Variants in NDST3 observed in about 807,000 individuals in gnomAD.
The protein encoded by NDST3 is N-deacetylase and N-sulfotransferase 3.
In NDST3, 58 loss-of-function variants were observed where a neutral mutation model predicts 96.1. That is an observed-to-expected ratio of 0.60 (90% confidence interval 0.49 to 0.75). The LOEUF is 0.75. Ranked by LOEUF, NDST3 falls within the 30% of genes least tolerant of loss-of-function variation. The probability of loss-of-function intolerance (pLI) is 0.00; values close to 1 mark genes in which losing one functional copy is unlikely to be tolerated. For missense variants in NDST3, 788 were observed against 1,034.2 expected (o/e 0.76, Z 3.27); for synonymous variants, 333 against 359.7 (o/e 0.93, Z 0.84).
At chr4:118,204,090 T>C (rs145604228) in intron 6 of NDST3, among the ~76,000 whole-genome samples, 1 of 152,176 alleles carries the variant, frequency 6.6e-6, no homozygotes, top group East Asian at 1.9e-4. Context: ...CGATCAGAAA[T>C]TTGCTCAAAC....
At position 118,226,917 on chromosome 4, in the gene NDST3, T is replaced by C; in HGVS notation, c.1754T>C (p.Ile585Thr). ...NPCDDKRHRDIWSKEKTCDRL... is the reference protein window; with the variant it reads ...NPCDDKRHRDTWSKEKTCDRL... Reference sequence around the variant, plus strand: ...TGCGATGACAAACGCCACAGAGACATTTGGTCTAAAGAAAAAACTTGTGAT... The same window carrying C: ...TGCGATGACAAACGCCACAGAGACACTTGGTCTAAAGAAAAAACTTGTGAT... The change falls in exon 8 of 14, where the codon ATT becomes ACT. Residue 585 changes from isoleucine to threonine, a missense_variant. This residue lies in a region of NDST3 where 490 missense variants were observed against 708.8 expected (regional missense o/e 0.69). Transcript: ENST00000296499. 2.5e-6 allele frequency: 4 copies of C among 1,613,704 alleles called. 1 individual carries two copies. In the South Asian group the frequency reaches 4.4e-5, roughly 18 times the overall value.
At chr4:118,126,517 T>TATATATATATATATACACAC (rs1560661844) in intron 4 of NDST3, among the ~76,000 whole-genome samples, 5 of 25,448 alleles carry the variant, frequency 2.0e-4, no homozygotes, top group Admixed American at 6.1e-4. Context: ...TGTATGTGTA[T>TATATATATATATATACACAC]ATATATATAT....
intron 2 of NDST3, among the ~76,000 whole-genome samples, chr4:118,098,641 G>T (rs1283494317): frequency 6.6e-6 from 1 of 151,972 alleles, no homozygotes; most frequent in East Asian, 1.9e-4. Context: ...AGTAACTCAA[G>T]ATTGCTCTAT....
Position 118,193,536 on chromosome 4 carries a change from C to A in NDST3, c.1540-30955C>A, listed in dbSNP as rs79984068. The A allele has an allele frequency of 6.5e-4, 648 of 995,630 alleles. 3 individuals carry two copies. The African/African-American group carries it at 8.6e-3, about 13-fold the overall frequency. The allele number at this position is 995,630 out of a possible 1,614,324, so 61.7% of individuals were successfully genotyped here. Reference sequence around the variant, plus strand: ...TTGTTCTCTTCCTCAGCCAGCCTCTCAAACGTGTTGGCGTAGAGCGTCTTC... The same window carrying A: ...TTGTTCTCTTCCTCAGCCAGCCTCTAAAACGTGTTGGCGTAGAGCGTCTTC... On this transcript the variant is annotated intron_variant, in intron 6 of 13. Coordinates refer to ENST00000296499, the MANE Select transcript of NDST3 (RefSeq NM_004784.3).
At chr4:118,160,646 C>T (rs28856120) in intron 6 of NDST3, among the ~76,000 whole-genome samples, 10,975 of 152,160 alleles carry the variant, frequency 0.072, 896 homozygotes, top group African/African-American at 0.2. Flanking sequence ...ATATCCTTTC[C>T]TCCAGTTGAT....
chr4:118,136,029 T>C (rs1733057494), intron 4 of NDST3, among the ~76,000 whole-genome samples: 1 of 152,248 alleles, frequency 6.6e-6, no homozygotes, highest in Admixed American at 6.5e-5. Flanking sequence ...TTTCATGCCA[T>C]GTGGGTTCTG....
chr4:118,138,223 T>A lies in NDST3; in HGVS notation c.1394T>A (p.Ile465Asn). ...CCAGCTAGATACCGGAGGGGTTTTA[T>A]CCACAAAAACATCATGGTGAGCTTC... ...LKPARYRRGF[I>N]HKNIMVLPRQ... The change falls in exon 5 of 14, where the codon ATC becomes AAC. Residue 465 changes from isoleucine (I) to asparagine (N), a missense_variant. Physicochemically the swap from Ile to Asn is moderately radical, Grantham distance 149. This residue lies in a region of NDST3 where 490 missense variants were observed against 708.8 expected (regional missense o/e 0.69). Coordinates refer to ENST00000296499, the MANE Select transcript of NDST3 (RefSeq NM_004784.3). 1 of 1,613,634 alleles carries A rather than the reference T, an allele frequency of 6.2e-7. No individual in the cohort carries two copies. Among genetic ancestry groups the A allele is most frequent in the Non-Finnish European group, 8.5e-7 (1 of 1,179,786 alleles).
At position 118,114,936 on chromosome 4, in the gene NDST3, G is replaced by A. The variant is rs1421681536; in HGVS notation, c.1200G>A (p.Met400Ile). ...FHNESSLVEQ[M>I]ILNKKFALEH... ...ATGAGTCATCTTTGGTGGAGCAGAT[G>A]ATTCTCAACAAAAAATTTGCCTTAG... The change falls in exon 4 of 14, where the codon ATG becomes ATA. Residue 400 changes from methionine to isoleucine, a missense_variant. By Grantham distance (10) the Met-to-Ile change is conservative. This residue lies in a region of NDST3 where 490 missense variants were observed against 708.8 expected (regional missense o/e 0.69). Transcript: ENST00000296499. 1 of 1,614,088 alleles carries A rather than the reference G, an allele frequency of 6.2e-7. No individual in the cohort carries two copies. The highest frequency in any genetic ancestry group is 1.7e-5 in the Admixed American group (1 of 60,020).
At chr4:118,185,880 A>C (rs77612026) in intron 6 of NDST3, among the ~76,000 whole-genome samples, 1,816 of 152,306 alleles carry the variant, frequency 0.012, 30 homozygotes, top group African/African-American at 0.041. Flanking sequence ...TAAAGTATGT[A>C]AGGAGGCATA....
chr4:118,227,760 T>C (rs1048568188), intron 8 of NDST3, among the ~76,000 whole-genome samples: 5 of 152,012 alleles, frequency 3.3e-5, no homozygotes, highest in African/African-American at 7.2e-5. Context: ...TACAGGCGCC[T>C]GCCACCATGC....
chr4:118,094,521 G>C, intron 2 of NDST3, among the ~76,000 whole-genome samples: 1 of 151,816 alleles, frequency 6.6e-6, no homozygotes, highest in South Asian at 2.1e-4. Context: ...TTGTAAATGT[G>C]CCCCTTGTTT....
chr4:118,163,591 G>T (rs113379605), intron 6 of NDST3, among the ~76,000 whole-genome samples: 10,002 of 151,950 alleles, frequency 0.066, 690 homozygotes, highest in African/African-American at 0.18. Flanking sequence ...TTACACTCTG[G>T]GGACTGTTGT....
At chr4:118,034,472 T>G (rs1407115662), upstream of NDST3, 1 of 152,192 alleles carries the variant, frequency 6.6e-6, no homozygotes, top group African/African-American at 2.4e-5. Context: ...CCAGGACTGG[T>G]GTTGCTACCA....
intron 8 of NDST3, among the ~76,000 whole-genome samples, chr4:118,229,606 T>C (rs1358883852): frequency 6.6e-6 from 1 of 152,184 alleles, no homozygotes; most frequent in Admixed American, 6.5e-5. Flanking sequence ...ATTACATCCA[T>C]TTTTTCTGTT....
intron 11 of NDST3, 36 bp downstream of exon 11, chr4:118,240,730 C>T (rs1457334145): frequency 1.6e-5 from 25 of 1,563,634 alleles, no homozygotes; most frequent in Non-Finnish European, 2.1e-5. Flanking sequence ...ATGTTAGAAT[C>T]TCATTAAGTT....
chr4:118,193,433 C>T, intron 6 of NDST3: 1 of 686,196 alleles, frequency 1.5e-6, no homozygotes, highest in Non-Finnish European at 2.4e-6. Context: ...TTGAGACTGG[C>T]TCTCTGTGGT....
At chr4:118,090,801 TTAGTC>T (rs1295599213) in intron 2 of NDST3, among the ~76,000 whole-genome samples, 6 of 151,868 alleles carry the variant, frequency 4.0e-5, no homozygotes, top group Admixed American at 2.6e-4. Flanking sequence ...AGAGGCTTCT[TTAGTC>T]TAGCAGAATT....
chr4:118,126,537 C>CATAT (rs956364801), intron 4 of NDST3, among the ~76,000 whole-genome samples: 5 of 20,302 alleles, frequency 2.5e-4, no homozygotes, highest in African/African-American at 3.8e-4. Context: ...TATATATACA[C>CATAT]ATATATATAT....
chr4:118,180,909 C>A lies in NDST3; in HGVS notation c.1539+37225C>A, dbSNP rs73843407. On this transcript the variant is annotated intron_variant, in intron 6 of 13. Transcript: ENST00000296499. ...CAACAGCCAGAGTTTGTGTCCCCTGCAGTAATAACCATTTACTGTAACCAC... is the reference window on the plus strand; with the variant it reads ...CAACAGCCAGAGTTTGTGTCCCCTGAAGTAATAACCATTTACTGTAACCAC... Among the ~76,000 whole-genome samples the A allele has an allele frequency of 2.8e-3, 424 of 152,272 alleles. 1 individual carries two copies. Among genetic ancestry groups the A allele is most frequent in the African/African-American group, 0.01 (416 of 41,554 alleles).
Sources: gnomAD v4.1 joint callset for allele counts (sites outside exome capture counted in the v4.1 genomes callset) on GRCh38, gnomAD v4.1.1 for gene constraint, gnomAD v4.1.1 regional missense constraint, MANE v1.5 for transcripts, NCBI Gene and HGNC (gene_info 2026-07-23, HGNC 2026-07-21) for gene names.